Variants in ABTB3 observed in about 807,000 individuals in gnomAD.
ABTB3 encodes the protein ankyrin repeat and BTB domain containing 3.
the ABTB3 span, chr12:107,649,441 C>A: frequency 1.5e-6 from 1 of 650,838 alleles, no homozygotes; most frequent in East Asian, 2.7e-5. Context: ...TCAGTCCTCC[C>A]AAACAGGAAG....
At chr12:107,623,648 T>G in the ABTB3 span, among the ~76,000 whole-genome samples, 2 of 152,274 alleles carry the variant, frequency 1.3e-5, no homozygotes, top group East Asian at 3.9e-4. Context: ...ATTACAGGCA[T>G]GAGCCACCAC....
chr12:107,642,412 G>T, the ABTB3 span, among the ~76,000 whole-genome samples: 1 of 152,326 alleles, frequency 6.6e-6, no homozygotes, highest in Non-Finnish European at 1.5e-5. Context: ...AAGGATAAAG[G>T]ATGTCCTCTC....
At chr12:107,612,933 A>AG in the ABTB3 span, 2 of 1,482,492 alleles carry the variant, frequency 1.3e-6, no homozygotes, top group Admixed American at 1.8e-5. Flanking sequence ...CGAGCAAGAA[A>AG]GGGGGGCTTT....
chr12:107,633,743 C>T, the ABTB3 span, among the ~76,000 whole-genome samples: 4 of 152,182 alleles, frequency 2.6e-5, no homozygotes, highest in Admixed American at 6.5e-5. Flanking sequence ...CAGCCCAGGT[C>T]GAACCCATGA....
At chr12:107,521,148 G>C in the ABTB3 span, among the ~76,000 whole-genome samples, 2 of 152,090 alleles carry the variant, frequency 1.3e-5, no homozygotes, top group Admixed American at 1.3e-4. Context: ...TGAGGAGGAG[G>C]ATTACAAAAT....
At chr12:107,478,649 T>C in the ABTB3 span, among the ~76,000 whole-genome samples, 1,452 of 152,278 alleles carry the variant, frequency 9.5e-3, 35 homozygotes, top group African/African-American at 0.033. Flanking sequence ...GACTGGATCT[T>C]AGGTAATAGT....
the ABTB3 span, among the ~76,000 whole-genome samples, chr12:107,351,187 A>G: frequency 6.6e-6 from 1 of 152,204 alleles, no homozygotes; most frequent in African/African-American, 2.4e-5. Flanking sequence ...ATACCTTTTC[A>G]GGGTGTTTTG....
At chr12:107,555,482 T>C in the ABTB3 span, among the ~76,000 whole-genome samples, 307 of 152,334 alleles carry the variant, frequency 2.0e-3, 3 homozygotes, top group African/African-American at 7.1e-3. Context: ...TTAATTTCAA[T>C]GTCCAGGTCT....
chr12:107,591,426 A>G, the ABTB3 span, among the ~76,000 whole-genome samples: 1 of 152,162 alleles, frequency 6.6e-6, no homozygotes, highest in Non-Finnish European at 1.5e-5. Context: ...CTGGTCTTAC[A>G]TAGCTGAAGC....
At chr12:107,347,295 T>C in the ABTB3 span, among the ~76,000 whole-genome samples, 1 of 152,172 alleles carries the variant, frequency 6.6e-6, no homozygotes, top group Non-Finnish European at 1.5e-5. Flanking sequence ...TTATATGAGA[T>C]ATAAATATAA....
chr12:107,553,246 G>C, the ABTB3 span, among the ~76,000 whole-genome samples: 1 of 152,150 alleles, frequency 6.6e-6, no homozygotes, highest in Non-Finnish European at 1.5e-5. Context: ...AAGAGATTTT[G>C]ATGAACACTT....
At chr12:107,385,726 G>T in the ABTB3 span, among the ~76,000 whole-genome samples, 1 of 152,138 alleles carries the variant, frequency 6.6e-6, no homozygotes, top group African/African-American at 2.4e-5. Flanking sequence ...TGGCTTATGG[G>T]GCCCAACAGC....
At chr12:107,651,754 C>G in the ABTB3 span, 1 of 1,614,032 alleles carries the variant, frequency 6.2e-7, no homozygotes, top group Non-Finnish European at 8.5e-7. Context: ...GCATCAATAC[C>G]GACAACTGTG....
the ABTB3 span, among the ~76,000 whole-genome samples, chr12:107,654,815 TAC>T: frequency 0.1 from 14,653 of 140,972 alleles, 802 homozygotes; most frequent in East Asian, 0.15. Flanking sequence ...CTACATTGTA[TAC>T]ACACACACAC....
the ABTB3 span, among the ~76,000 whole-genome samples, chr12:107,621,561 C>T: frequency 4.6e-5 from 7 of 152,266 alleles, no homozygotes; most frequent in East Asian, 5.8e-4. Context: ...CTAACCTGTG[C>T]GTTCTTAAAG....
At chr12:107,469,880 TTCTTTCTTTC>T in the ABTB3 span, among the ~76,000 whole-genome samples, 3 of 96,220 alleles carry the variant, frequency 3.1e-5, no homozygotes, top group African/African-American at 1.7e-4. Context: ...CTTTCTTTCT[TTCTTTCTTTC>T]TTTCTTTCTT....
the ABTB3 span, among the ~76,000 whole-genome samples, chr12:107,335,083 C>A: frequency 1.3e-5 from 2 of 151,532 alleles, no homozygotes; most frequent in East Asian, 3.9e-4. Context: ...GCCAGGAGTT[C>A]GAGACAAGCC....
the ABTB3 span, chr12:107,650,683 C>CCA: frequency 6.6e-6 from 1 of 152,192 alleles, no homozygotes; most frequent in Middle Eastern, 3.1e-3. Flanking sequence ...GCACCTGCCA[C>CCA]CACACCCAGC....
At chr12:107,374,112 C>A in the ABTB3 span, among the ~76,000 whole-genome samples, 3 of 152,144 alleles carry the variant, frequency 2.0e-5, no homozygotes, top group Non-Finnish European at 4.4e-5. Context: ...GGGAAGGGGG[C>A]TGGGGGCAGC....
Sources: allele counts gnomAD v4.1 joint callset (sites outside exome capture counted in the v4.1 genomes callset), GRCh38; gene constraint gnomAD v4.1.1; transcripts MANE v1.5; gene names NCBI Gene and HGNC (gene_info 2026-07-23, HGNC 2026-07-21).